RABGAP1L: variants seen among roughly 807,000 people sequenced by gnomAD.
RABGAP1L encodes the protein rab GTPase-activating protein 1-like.
A neutral mutation model predicts 137.7 loss-of-function variants in RABGAP1L; 63 were observed. The ratio of observed to expected loss-of-function variants is 0.46; its 90% confidence interval spans 0.37 to 0.56. RABGAP1L has a LOEUF of 0.56. RABGAP1L is among the 20% of genes least tolerant of loss of function. The pLI, the probability that RABGAP1L is intolerant of heterozygous loss-of-function variation, is 0.00. For missense variants in RABGAP1L, 1,095 were observed against 1,244.0 expected, an observed-to-expected ratio of 0.88 and a Z score of 1.80; for synonymous variants, 431 against 433.7, an observed-to-expected ratio of 0.99 and a Z score of 0.08.
At chr1:174,224,002 G>T (rs1418996772) in intron 3 of RABGAP1L, among the ~76,000 whole-genome samples, 1 of 152,116 alleles carries the variant, frequency 6.6e-6, no homozygotes, top group East Asian at 1.9e-4. Flanking sequence ...TTGCATCTTT[G>T]AGTGCAATAA....
chr1:174,283,220 T>C (rs995031442), intron 10 of RABGAP1L, among the ~76,000 whole-genome samples: 1 of 151,726 alleles, frequency 6.6e-6, no homozygotes, highest in Admixed American at 6.6e-5. Context: ...CTAGGCAACA[T>C]AGCAAGACTC....
chr1:174,171,250 G>A (rs1051518242), intron 1 of RABGAP1L, among the ~76,000 whole-genome samples: 14 of 151,994 alleles, frequency 9.2e-5, no homozygotes, highest in Admixed American at 6.6e-5. Context: ...GCCCAAAAGA[G>A]CTTTTTAATT....
At chr1:174,824,910 T>C (rs1691418541) in intron 19 of RABGAP1L, among the ~76,000 whole-genome samples, 1 of 152,214 alleles carries the variant, frequency 6.6e-6, no homozygotes, top group Admixed American at 6.5e-5. Flanking sequence ...TCTCCAACTG[T>C]TGTTTGTCAA....
At chr1:174,193,136 GTTATCC>G (rs1311656363) in intron 1 of RABGAP1L, among the ~76,000 whole-genome samples, 1 of 152,164 alleles carries the variant, frequency 6.6e-6, no homozygotes, top group African/African-American at 2.4e-5. Flanking sequence ...AAGGATAACT[GTTATCC>G]TTAACAGTTA....
chr1:174,476,274 A>T (rs989266383), intron 13 of RABGAP1L, among the ~76,000 whole-genome samples: 2 of 152,120 alleles, frequency 1.3e-5, no homozygotes, highest in Admixed American at 6.6e-5. Flanking sequence ...TTTTAATTGT[A>T]TTAATTTTGT....
chr1:174,732,353 T>C (rs1274069530), intron 17 of RABGAP1L, among the ~76,000 whole-genome samples: 1 of 152,200 alleles, frequency 6.6e-6, no homozygotes, highest in Non-Finnish European at 1.5e-5. Flanking sequence ...GCAGATAGTT[T>C]AGCTTAGCAT....
intron 1 of RABGAP1L, among the ~76,000 whole-genome samples, chr1:174,160,165 A>T (rs1664320239): frequency 6.6e-6 from 1 of 151,718 alleles, no homozygotes. Flanking sequence ...CCTGCTGTTG[A>T]TGCTTGTGGT....
chr1:174,614,286 G>A (rs939874786), intron 13 of RABGAP1L, among the ~76,000 whole-genome samples: 1 of 152,084 alleles, frequency 6.6e-6, no homozygotes, highest in African/African-American at 2.4e-5. Flanking sequence ...TTGCTTGTCT[G>A]TAAAGGAGTT....
intron 19 of RABGAP1L, among the ~76,000 whole-genome samples, chr1:174,885,579 C>T (rs1485116855): frequency 1.3e-5 from 2 of 152,072 alleles, no homozygotes; most frequent in Admixed American, 6.6e-5. Context: ...TAATCTGGAA[C>T]TCCTGAGCTC....
chr1:174,735,720 T>C (rs574042340), intron 17 of RABGAP1L, among the ~76,000 whole-genome samples: 2 of 148,150 alleles, frequency 1.3e-5, no homozygotes, highest in Non-Finnish European at 3.0e-5. Flanking sequence ...CAAGCATGAC[T>C]CCAGCATCTG....
chr1:174,184,957 C>T (rs1666686660), intron 1 of RABGAP1L, among the ~76,000 whole-genome samples: 1 of 152,288 alleles, frequency 6.6e-6, no homozygotes, highest in African/African-American at 2.4e-5. Context: ...AGAAGATGCT[C>T]AACCTCTAAG....
Position 174,278,777 on chromosome 1 carries a change from CAGGT to C in RABGAP1L, c.1323+2_1323+5del. The C allele has an allele frequency of 6.5e-7, 1 of 1,533,402 alleles. No individual in the cohort carries two copies. The highest frequency in any genetic ancestry group is 1.3e-5 in the South Asian group (1 of 77,394). 95.0% of individuals were successfully genotyped at this position (1,533,402 alleles called of 1,614,324 possible). A position where few individuals can be genotyped will look rare whatever the true frequency, so the allele number is the denominator to read the frequency against. On this transcript the variant is annotated splice_donor_variant and coding_sequence_variant, in exon 10 of 26. Coordinates refer to ENST00000681986, the MANE Select transcript of RABGAP1L (RefSeq NM_001366446.1). LOFTEE classifies it high-confidence loss of function. ...AGAGACTTTCTTCATGAGATTGAAACAGGTAGGACCTTTTTGTTCTCTTCATATA... is the reference window on the plus strand; with the variant it reads ...AGAGACTTTCTTCATGAGATTGAAACAGGACCTTTTTGTTCTCTTCATATA...
At chr1:174,688,760 G>T (rs1216458076) in intron 15 of RABGAP1L, among the ~76,000 whole-genome samples, 1 of 152,008 alleles carries the variant, frequency 6.6e-6, no homozygotes, top group Non-Finnish European at 1.5e-5. Flanking sequence ...CAATGGAAAT[G>T]AATGTTTCAC....
At chr1:174,824,781 TCTC>T (rs1691401168) in intron 19 of RABGAP1L, among the ~76,000 whole-genome samples, 1 of 152,090 alleles carries the variant, frequency 6.6e-6, no homozygotes, top group Admixed American at 6.6e-5. Flanking sequence ...GGCCTTTTTC[TCTC>T]CTCCTCTCTC....
intron 19 of RABGAP1L, chr1:174,948,962 C>T (rs1364325420): frequency 6.6e-6 from 1 of 152,136 alleles, no homozygotes; most frequent in African/African-American, 2.4e-5. Context: ...CTACAATAAG[C>T]ACAAATATTT....
chr1:174,831,533 T>A (rs1452596747), intron 19 of RABGAP1L, among the ~76,000 whole-genome samples: 2 of 148,292 alleles, frequency 1.3e-5, no homozygotes, highest in African/African-American at 2.5e-5. Flanking sequence ...AACCTAACTA[T>A]TCAGTGTTTT....
chr1:174,675,622 G>T (rs932051186), intron 14 of RABGAP1L, among the ~76,000 whole-genome samples: 4 of 152,170 alleles, frequency 2.6e-5, no homozygotes, highest in African/African-American at 9.6e-5. Context: ...CCAATTCTGT[G>T]AAGAAAGTCA....
At chr1:174,360,260 A>G (rs1684018490) in intron 11 of RABGAP1L, among the ~76,000 whole-genome samples, 1 of 151,776 alleles carries the variant, frequency 6.6e-6, no homozygotes, top group Admixed American at 6.6e-5. Flanking sequence ...TTTTTTTGCC[A>G]TGCTTATCAT....
At chr1:174,249,631 CTTCTTTCT>C (rs372511581) in intron 5 of RABGAP1L, among the ~76,000 whole-genome samples, 5 of 143,674 alleles carry the variant, frequency 3.5e-5, no homozygotes, top group South Asian at 2.2e-4. Flanking sequence ...AAAGGAATTC[CTTCTTTCT>C]TTCTTTCTTT....
Sources: allele counts gnomAD v4.1 joint callset (sites outside exome capture counted in the v4.1 genomes callset), GRCh38; gene constraint gnomAD v4.1.1; transcripts MANE v1.5; gene names NCBI Gene and HGNC (gene_info 2026-07-23, HGNC 2026-07-21).